Variants in NBAS observed in about 807,000 individuals in gnomAD.
NBAS encodes NBAS subunit of NRZ tethering complex, also known as NAG/BC035112 fusion.
In NBAS, 219 loss-of-function variants were observed where a neutral mutation model predicts 302.5. That is an observed-to-expected ratio of 0.72 (90% CI 0.65 to 0.81). NBAS has a LOEUF of 0.81. Ranked by LOEUF, NBAS falls within the 30% of genes least tolerant of loss-of-function variation. The probability of loss-of-function intolerance (pLI) is 0.00; values close to 1 mark genes in which losing one functional copy is unlikely to be tolerated. For synonymous variants in NBAS, 1,118 were observed against 1,021.6 expected (o/e 1.09, Z -1.80); for missense variants, 2,932 against 2,841.6 (o/e 1.03, Z -0.72).
intron 47 of NBAS, among the ~76,000 whole-genome samples, chr2:15,222,844 A>AT (rs1318903679): frequency 6.6e-6 from 1 of 152,238 alleles, no homozygotes; most frequent in African/African-American, 2.4e-5. Flanking sequence ...ATGATGAGAT[A>AT]TAGAAGGATT....
intron 21 of NBAS, among the ~76,000 whole-genome samples, chr2:15,451,346 C>G (rs1222321606): frequency 6.6e-6 from 1 of 152,162 alleles, no homozygotes; most frequent in Non-Finnish European, 1.5e-5. Flanking sequence ...CCACCGCATC[C>G]AGCCAATTTA....
intron 6 of NBAS, among the ~76,000 whole-genome samples, chr2:15,551,267 C>T (rs1664369441): frequency 2.0e-5 from 3 of 150,668 alleles, no homozygotes; most frequent in African/African-American, 7.3e-5. Flanking sequence ...CCATAACTGG[C>T]TTAGACTTTT....
chr2:15,094,658 G>A, the NBAS span, among the ~76,000 whole-genome samples: 1 of 152,164 alleles, frequency 6.6e-6, no homozygotes, highest in African/African-American at 2.4e-5. Flanking sequence ...TTTTTGTGCT[G>A]AGAATATGCG....
At chr2:15,026,102 T>A in the NBAS span, among the ~76,000 whole-genome samples, 1 of 152,160 alleles carries the variant, frequency 6.6e-6, no homozygotes, top group East Asian at 1.9e-4. Context: ...TTTTGAAGTA[T>A]GTTCCTTTGA....
chr2:15,435,202 T>C (rs1458463685), intron 21 of NBAS, among the ~76,000 whole-genome samples: 1 of 152,184 alleles, frequency 6.6e-6, no homozygotes, highest in African/African-American at 2.4e-5. Context: ...ATAAAAGGAT[T>C]AGAGAGGAAA....
intron 32 of NBAS, among the ~76,000 whole-genome samples, chr2:15,359,794 A>G (rs979550895): frequency 1.3e-5 from 2 of 152,192 alleles, no homozygotes; most frequent in African/African-American, 4.8e-5. Context: ...CTCAATACCC[A>G]GCATCAAGTT....
intron 40 of NBAS, among the ~76,000 whole-genome samples, chr2:15,302,439 C>T (rs1407812913): frequency 6.6e-6 from 1 of 152,168 alleles, no homozygotes; most frequent in Non-Finnish European, 1.5e-5. Flanking sequence ...ACTGTACTGG[C>T]TTCTGTTCCC....
At chr2:15,363,230 A>G (rs1674026267) in intron 32 of NBAS, among the ~76,000 whole-genome samples, 1 of 152,182 alleles carries the variant, frequency 6.6e-6, no homozygotes, top group South Asian at 2.1e-4. Context: ...GCCAATCCCC[A>G]TAGTAGTAAA....
chr2:14,807,509 C>T, the NBAS span, among the ~76,000 whole-genome samples: 2 of 151,218 alleles, frequency 1.3e-5, no homozygotes, highest in Non-Finnish European at 2.9e-5. Flanking sequence ...ATTGCAGGTC[C>T]CCTGTTGGGC....
chr2:14,825,932 G>A, the NBAS span, among the ~76,000 whole-genome samples: 1 of 152,204 alleles, frequency 6.6e-6, no homozygotes, highest in Non-Finnish European at 1.5e-5. Flanking sequence ...AGATACGAGT[G>A]AGCAGGATGT....
At chr2:15,145,670 T>A in the NBAS span, among the ~76,000 whole-genome samples, 3 of 152,120 alleles carry the variant, frequency 2.0e-5, 1 homozygote, top group Admixed American at 6.5e-5. Context: ...TTACTGCAGC[T>A]CCCACTCCTG....
chr2:14,960,084 T>C, the NBAS span, among the ~76,000 whole-genome samples: 2 of 152,214 alleles, frequency 1.3e-5, no homozygotes, highest in Non-Finnish European at 2.9e-5. Context: ...AAAATGGATA[T>C]GATTTTTAGG....
chr2:15,399,348 CTT>C (rs113822418), intron 26 of NBAS, among the ~76,000 whole-genome samples: 8 of 152,266 alleles, frequency 5.3e-5, no homozygotes, highest in African/African-American at 1.4e-4. Flanking sequence ...TTCTGCATCT[CTT>C]GTCACCCTCC....
At chr2:15,477,629 C>T (rs904095877) in intron 13 of NBAS, among the ~76,000 whole-genome samples, 4 of 152,192 alleles carry the variant, frequency 2.6e-5, no homozygotes, top group South Asian at 4.2e-4. Flanking sequence ...AAATTCATCA[C>T]GGATTTAACT....
the NBAS span, among the ~76,000 whole-genome samples, chr2:14,879,375 C>A: frequency 6.6e-6 from 1 of 152,148 alleles, no homozygotes; most frequent in Non-Finnish European, 1.5e-5. Flanking sequence ...TTTATCAGAA[C>A]AATTTTCTAG....
chr2:15,166,777 A>G (rs906360111), downstream of NBAS: 5 of 397,246 alleles, frequency 1.3e-5, no homozygotes, highest in Middle Eastern at 6.6e-4. Flanking sequence ...GACACATTAT[A>G]AACTGAATTC....
At chr2:14,867,253 AAAGCAACAC>A in the NBAS span, among the ~76,000 whole-genome samples, 3 of 152,166 alleles carry the variant, frequency 2.0e-5, no homozygotes, top group Non-Finnish European at 4.4e-5. Context: ...TTCTAAATAG[AAAGCAACAC>A]AAAACATTTC....
the NBAS span, among the ~76,000 whole-genome samples, chr2:14,838,502 T>A: frequency 3.9e-5 from 6 of 152,056 alleles, no homozygotes; most frequent in African/African-American, 1.4e-4. Context: ...CATCACTATT[T>A]CAAAGTCTTT....
chr2:14,870,951 T>C, the NBAS span, among the ~76,000 whole-genome samples: 2 of 150,524 alleles, frequency 1.3e-5, no homozygotes, highest in African/African-American at 4.9e-5. Flanking sequence ...AAATCAAACT[T>C]GAAGACATAA....
Sources: allele counts gnomAD v4.1 joint callset (sites outside exome capture counted in the v4.1 genomes callset), GRCh38; gene constraint gnomAD v4.1.1; transcripts MANE v1.5; gene names NCBI Gene and HGNC (gene_info 2026-07-23, HGNC 2026-07-21).